The following ZNF536 variants were observed in gnomAD, a reference collection of about 807,000 sequenced individuals.
The protein encoded by ZNF536 is zinc finger protein 536.
A neutral mutation model predicts 84.5 loss-of-function variants in ZNF536; 13 were observed. That is an observed-to-expected ratio of 0.15 (90% CI 0.10 to 0.24). The LOEUF (loss-of-function observed/expected upper bound fraction) is 0.24. ZNF536 is among the 10% of genes least tolerant of loss of function. The pLI is 1.00. For missense variants in ZNF536, 1,536 were observed against 1,747.5 expected, an observed-to-expected ratio of 0.88 and a Z score of 2.16; for synonymous variants, 811 against 742.5, an observed-to-expected ratio of 1.09 and a Z score of -1.50.
At chr19:30,418,887 A>C (rs945818819) in intron 1 of ZNF536, among the ~76,000 whole-genome samples, 4 of 152,202 alleles carry the variant, frequency 2.6e-5, no homozygotes, top group African/African-American at 9.6e-5. Context: ...TTTTCTTTTA[A>C]AAATTAAGTA....
At chr19:30,359,032 C>A (rs1161582734) in intron 3 of ZNF536, among the ~76,000 whole-genome samples, 1 of 152,184 alleles carries the variant, frequency 6.6e-6, no homozygotes, top group Admixed American at 6.5e-5. Flanking sequence ...TCAAAAGGGA[C>A]CGCCACTACC....
At chr19:30,633,584 G>A (rs1413483294) in intron 1 of ZNF536, among the ~76,000 whole-genome samples, 1 of 152,156 alleles carries the variant, frequency 6.6e-6, no homozygotes, top group Non-Finnish European at 1.5e-5. Context: ...GCTTCTATGA[G>A]ATCAATTGCT....
downstream of ZNF536, among the ~76,000 whole-genome samples, chr19:30,559,084 G>T (rs77410412): frequency 0.016 from 2,386 of 152,348 alleles, 66 homozygotes; most frequent in African/African-American, 0.054. Context: ...GCATTAGGTT[G>T]TCTTTTATTT....
At chr19:30,587,813 C>A (rs544807733) in intron 1 of ZNF536, among the ~76,000 whole-genome samples, 2 of 152,368 alleles carry the variant, frequency 1.3e-5, no homozygotes, top group South Asian at 4.1e-4. Context: ...AGCCTGCATG[C>A]ATGCAAACCC....
chr19:30,551,086 T>C (rs2045761308), intron 4 of ZNF536, among the ~76,000 whole-genome samples: 1 of 151,948 alleles, frequency 6.6e-6, no homozygotes, highest in South Asian at 2.1e-4. Flanking sequence ...ATTGTTGTTT[T>C]AGGTTTGTGA....
At chr19:30,674,926 G>A (rs568133999) in intron 1 of ZNF536, among the ~76,000 whole-genome samples, 16 of 152,166 alleles carry the variant, frequency 1.1e-4, no homozygotes, top group South Asian at 2.1e-4. Context: ...CGTGGGCATC[G>A]GGCTGGGCTC....
At chr19:30,475,267 A>G (rs1263053983) in intron 2 of ZNF536, among the ~76,000 whole-genome samples, 1 of 152,020 alleles carries the variant, frequency 6.6e-6, no homozygotes, top group Non-Finnish European at 1.5e-5. Flanking sequence ...GTTTTAGTAG[A>G]GACAGGGTTT....
At chr19:30,610,194 T>G (rs1345434959) in intron 1 of ZNF536, among the ~76,000 whole-genome samples, 1 of 152,226 alleles carries the variant, frequency 6.6e-6, no homozygotes, top group Non-Finnish European at 1.5e-5. Context: ...TTACAACACA[T>G]TTTCTCATTT....
intron 1 of ZNF536, among the ~76,000 whole-genome samples, chr19:30,697,692 T>A (rs547837569): frequency 6.6e-6 from 1 of 152,308 alleles, no homozygotes; most frequent in East Asian, 1.9e-4. Context: ...ACAGTCTTCA[T>A]CACTGTGCTT....
chr19:30,261,633 A>T, intron 1 of ZNF536, among the ~76,000 whole-genome samples: 1 of 150,862 alleles, frequency 6.6e-6, no homozygotes, highest in Non-Finnish European at 1.5e-5. Context: ...CAAGAGTTCA[A>T]AGCTCCAGTG....
At chr19:30,604,038 C>T (rs1203056049) in intron 1 of ZNF536, among the ~76,000 whole-genome samples, 3 of 152,014 alleles carry the variant, frequency 2.0e-5, no homozygotes, top group African/African-American at 2.4e-5. Context: ...TGCAGTGAGC[C>T]GAGATTGCAC....
At chr19:30,629,649 G>A (rs542533546) in intron 1 of ZNF536, among the ~76,000 whole-genome samples, 6 of 152,236 alleles carry the variant, frequency 3.9e-5, no homozygotes, top group African/African-American at 1.4e-4. Context: ...TGGCCTGCCT[G>A]CTGGCCGCAG....
At chr19:30,292,679 A>T (rs890392339) in intron 2 of ZNF536, among the ~76,000 whole-genome samples, 12 of 152,210 alleles carry the variant, frequency 7.9e-5, no homozygotes, top group Admixed American at 3.3e-4. Flanking sequence ...TTGAGAAAAA[A>T]AAAATTGTAA....
At chr19:30,413,923 CT>C (rs2050602458) in intron 1 of ZNF536, among the ~76,000 whole-genome samples, 1 of 151,858 alleles carries the variant, frequency 6.6e-6, no homozygotes, top group Non-Finnish European at 1.5e-5. Context: ...AACCCCCTGT[CT>C]CTACTAAAAA....
intron 1 of ZNF536, among the ~76,000 whole-genome samples, chr19:30,256,787 C>T (rs560258229): frequency 2.0e-4 from 31 of 152,152 alleles, no homozygotes; most frequent in African/African-American, 5.8e-4. Flanking sequence ...TGAAGACTTC[C>T]GGGAGATGGA....
At chr19:30,317,408 G>T (rs1437200963) in intron 2 of ZNF536, among the ~76,000 whole-genome samples, 1 of 152,168 alleles carries the variant, frequency 6.6e-6, no homozygotes, top group East Asian at 1.9e-4. Flanking sequence ...GCAGACACAT[G>T]GTAGGTGACA....
intron 1 of ZNF536, among the ~76,000 whole-genome samples, chr19:30,705,972 G>A (rs370986808): frequency 6.6e-6 from 1 of 152,010 alleles, no homozygotes; most frequent in Admixed American, 6.6e-5. Context: ...TTTTAAAATC[G>A]ATTGGTGGAA....
intron 2 of ZNF536, among the ~76,000 whole-genome samples, chr19:30,312,633 G>A (rs1033193343): frequency 9.9e-5 from 15 of 152,216 alleles, no homozygotes; most frequent in African/African-American, 3.1e-4. Context: ...ACAGTCACCT[G>A]CATGGGGGGA....
intron 1 of ZNF536, among the ~76,000 whole-genome samples, chr19:30,241,450 C>T (rs2023935872): frequency 6.6e-6 from 1 of 152,168 alleles, no homozygotes; most frequent in Non-Finnish European, 1.5e-5. Context: ...AATGTCACAC[C>T]AGTCGGGCAG....
Sources: gnomAD v4.1 joint callset for allele counts (sites outside exome capture counted in the v4.1 genomes callset) on GRCh38, gnomAD v4.1.1 for gene constraint, MANE v1.5 for transcripts, NCBI Gene and HGNC (gene_info 2026-07-23, HGNC 2026-07-21) for gene names.